Variants in EFNA5 observed in about 807,000 individuals in gnomAD.
EFNA5 encodes ephrin A5.
A neutral mutation model predicts 22.9 loss-of-function variants in EFNA5; 5 were observed. The observed-to-expected ratio is 0.22, with a 90% confidence interval of 0.11 to 0.46. The LOEUF (loss-of-function observed/expected upper bound fraction) is 0.46, where lower values mean the gene tolerates loss of function less well. Among genes scored for constraint, EFNA5 ranks in the 20% least tolerant of loss-of-function variants. The pLI is 0.99. For synonymous variants in EFNA5, 113 were observed against 112.2 expected (o/e 1.01, Z -0.04); for missense variants, 237 against 293.3 (o/e 0.81, Z 1.40).
chr5:107,554,418 A>G (rs1450017581), intron 1 of EFNA5, among the ~76,000 whole-genome samples: 3 of 152,172 alleles, frequency 2.0e-5, no homozygotes, highest in Non-Finnish European at 4.4e-5. Flanking sequence ...AAGAAGTATT[A>G]CTGCTGGTGA....
At chr5:107,453,829 G>A (rs922773772) in intron 1 of EFNA5, among the ~76,000 whole-genome samples, 1 of 152,108 alleles carries the variant, frequency 6.6e-6, no homozygotes, top group Non-Finnish European at 1.5e-5. Context: ...AGGGCCACAA[G>A]CAAAATCAGC....
chr5:107,639,747 C>T (rs918279725), intron 1 of EFNA5, among the ~76,000 whole-genome samples: 1 of 151,986 alleles, frequency 6.6e-6, no homozygotes, highest in Non-Finnish European at 1.5e-5. Flanking sequence ...ACAAATAAGC[C>T]TCCATTTCAT....
At chr5:107,582,180 C>A (rs1244778962) in intron 1 of EFNA5, among the ~76,000 whole-genome samples, 1 of 152,112 alleles carries the variant, frequency 6.6e-6, no homozygotes, top group Non-Finnish European at 1.5e-5. Context: ...ACTTATAAGT[C>A]CATTTTTACT....
chr5:107,398,944 A>T (rs1322310628), intron 2 of EFNA5, among the ~76,000 whole-genome samples: 2 of 152,028 alleles, frequency 1.3e-5, no homozygotes, highest in Non-Finnish European at 2.9e-5. Context: ...CACAAAAGTG[A>T]AGAGAGGGGT....
At position 107,546,651 on chromosome 5, in the gene EFNA5, A is replaced by AACATACAC. The variant is rs1554065956; in HGVS notation, c.126-119143_126-119142insGTGTATGT. 4.7e-3 allele frequency among the ~76,000 whole-genome samples: 569 copies of AACATACAC among 121,340 alleles called. 1 individual carries two copies. The highest frequency in any genetic ancestry group is 0.016 in the African/African-American group (516 of 31,596). 79.6% of individuals were successfully genotyped at this position (121,340 alleles called of 152,430 possible). On this transcript the variant is annotated intron_variant, in intron 1 of 4. Coordinates refer to ENST00000333274, the MANE Select transcript of EFNA5 (RefSeq NM_001962.3). ...AGTTGAAGGTTTTTCTGGTGCGTAA[A>AACATACAC]ACACACACACACACACACACACACA...
chr5:107,459,339 C>T (rs1168557467), intron 1 of EFNA5, among the ~76,000 whole-genome samples: 2 of 132,786 alleles, frequency 1.5e-5, no homozygotes, highest in Non-Finnish European at 3.1e-5. Flanking sequence ...GGTGACAGAG[C>T]AAGACTCCAT....
At chr5:107,631,608 T>C (rs1020452797) in intron 1 of EFNA5, among the ~76,000 whole-genome samples, 1 of 152,116 alleles carries the variant, frequency 6.6e-6, no homozygotes, top group Non-Finnish European at 1.5e-5. Flanking sequence ...AATTGTATAA[T>C]TTTTGAGATG....
intron 2 of EFNA5, among the ~76,000 whole-genome samples, chr5:107,413,823 G>A (rs941850846): frequency 3.3e-5 from 5 of 152,178 alleles, no homozygotes; most frequent in African/African-American, 1.2e-4. Context: ...TGGTCAGGCA[G>A]AAGGAAGGAT....
chr5:107,380,374 T>TAAAAA lies in EFNA5; in HGVS notation c.*876_*880dup, dbSNP rs556075303. 17 of 47,456 alleles carry TAAAAA rather than the reference T, an allele frequency of 3.6e-4. No homozygotes were observed. Among genetic ancestry groups the TAAAAA allele is most frequent in the African/African-American group, 1.2e-3 (14 of 11,618 alleles). The allele number at this position is 47,456 out of a possible 1,614,324, so 2.9% of individuals were successfully genotyped here. ...CATAAAAATGCCTCTTTGAGTTTCT[T>TAAAAA]AAAAAAAAAAAAAAAAAAAAAAAAA... On this transcript the variant is annotated 3_prime_UTR_variant, in exon 5 of 5. Coordinates refer to ENST00000333274, the MANE Select transcript of EFNA5 (RefSeq NM_001962.3).
At chr5:107,405,794 GC>G (rs1400617723) in intron 2 of EFNA5, among the ~76,000 whole-genome samples, 2 of 150,972 alleles carry the variant, frequency 1.3e-5, no homozygotes, top group East Asian at 2.0e-4. Flanking sequence ...ATGATGAACC[GC>G]CCCCCATACT....
chr5:107,646,182 T>A (rs1750630529), intron 1 of EFNA5, among the ~76,000 whole-genome samples: 1 of 152,180 alleles, frequency 6.6e-6, no homozygotes, highest in Non-Finnish European at 1.5e-5. Flanking sequence ...AGAGATGGAA[T>A]GTACAGCATG....
chr5:107,618,463 A>G (rs1225157337), intron 1 of EFNA5, among the ~76,000 whole-genome samples: 1 of 152,184 alleles, frequency 6.6e-6, no homozygotes, highest in African/African-American at 2.4e-5. Flanking sequence ...TATATTCCTC[A>G]GGCCAGTAGA....
At chr5:107,518,551 T>C (rs17534319) in intron 1 of EFNA5, among the ~76,000 whole-genome samples, 6,633 of 150,168 alleles carry the variant, frequency 0.044, 208 homozygotes, top group Non-Finnish European at 0.068. Context: ...AGTCAATTAG[T>C]ACCCATTGGG....
intron 1 of EFNA5, among the ~76,000 whole-genome samples, chr5:107,657,377 T>C (rs1338521524): frequency 6.6e-6 from 1 of 152,114 alleles, no homozygotes; most frequent in Non-Finnish European, 1.5e-5. Context: ...TCAGGATCTA[T>C]GAGAATCATA....
chr5:107,487,082 C>A (rs1358524551), intron 1 of EFNA5, among the ~76,000 whole-genome samples: 1 of 152,198 alleles, frequency 6.6e-6, no homozygotes, highest in Non-Finnish European at 1.5e-5. Context: ...AGGGTCAAGG[C>A]CCATGGTATC....
chr5:107,637,792 C>T (rs1301677673), intron 1 of EFNA5, among the ~76,000 whole-genome samples: 1 of 148,980 alleles, frequency 6.7e-6, no homozygotes, highest in African/African-American at 2.5e-5. Context: ...AGTTTAAATT[C>T]AAAAGCCCCT....
intron 1 of EFNA5, among the ~76,000 whole-genome samples, chr5:107,513,980 C>A (rs193294517): frequency 5.9e-5 from 9 of 152,268 alleles, no homozygotes; most frequent in Admixed American, 5.2e-4. Context: ...AACGTCTGTG[C>A]TGAACACAAA....
At chr5:107,416,401 A>G (rs111970436) in intron 2 of EFNA5, among the ~76,000 whole-genome samples, 2,866 of 152,250 alleles carry the variant, frequency 0.019, 75 homozygotes, top group African/African-American at 0.064. Flanking sequence ...ACATGGGTTC[A>G]AATCCTGACC....
chr5:107,582,881 T>G (rs1378580748), intron 1 of EFNA5, among the ~76,000 whole-genome samples: 1 of 152,142 alleles, frequency 6.6e-6, no homozygotes, highest in Non-Finnish European at 1.5e-5. Flanking sequence ...AGATAGAAGA[T>G]TAGCTTTTCA....
Sources: gnomAD v4.1 joint callset for allele counts (sites outside exome capture counted in the v4.1 genomes callset) on GRCh38, gnomAD v4.1.1 for gene constraint, MANE v1.5 for transcripts, NCBI Gene and HGNC (gene_info 2026-07-23, HGNC 2026-07-21) for gene names.